Variants in NSMCE4A observed in about 807,000 individuals in gnomAD.
The protein encoded by NSMCE4A is NSE4A component of SMC5/6 complex, also known as non-structural maintenance of chromosomes element 4 homolog A.
Under a neutral mutation model 47.9 loss-of-function variants are expected in NSMCE4A, and 40 were observed. That is an observed-to-expected ratio of 0.83 (90% CI 0.65 to 1.09). The LOEUF (loss-of-function observed/expected upper bound fraction) is 1.09, where lower values mean the gene tolerates loss of function less well. Ranked by LOEUF, NSMCE4A falls within the 50% of genes least tolerant of loss-of-function variation. The pLI, the probability that NSMCE4A is intolerant of heterozygous loss-of-function variation, is 0.00. For missense variants in NSMCE4A, 500 were observed against 507.0 expected, an observed-to-expected ratio of 0.99 and a Z score of 0.13; for synonymous variants, 166 against 178.5, an observed-to-expected ratio of 0.93 and a Z score of 0.56.
intron 10 of NSMCE4A, among the ~76,000 whole-genome samples, chr10:121,958,510 CTT>C (rs1160489698): frequency 6.6e-6 from 1 of 152,184 alleles, no homozygotes; most frequent in East Asian, 1.9e-4. Context: ...TCCTAATCCT[CTT>C]TTTCTGCTTT....
intron 2 of NSMCE4A, 55 bp from the exon 3 acceptor site, chr10:121,971,124 CTT>C (rs1434971522): frequency 6.9e-7 from 1 of 1,454,086 alleles, no homozygotes; most frequent in African/African-American, 1.4e-5. Context: ...TATCCATAGA[CTT>C]TTTCCCTACA....
chr10:121,970,974 T>C lies in NSMCE4A; in HGVS notation c.466A>G (p.Ser156Gly). Residue 156 changes from serine to glycine, a missense_variant, in exon 3 of 11, where the codon AGC (serine) becomes GGC (glycine). Physicochemically the swap from Ser to Gly is moderately conservative, Grantham distance 56 (BLOSUM62 0). Coordinates refer to ENST00000369023, the MANE Select transcript of NSMCE4A (RefSeq NM_017615.3). ...EKAKQLRSDL[S>G]SFDMLRYVET... ...ACATATCTTAACATGTCAAAGGAGCTCAGGTCTGAGCGCAGCTGCTTTGCT... is the reference window on the plus strand; with the variant it reads ...ACATATCTTAACATGTCAAAGGAGCCCAGGTCTGAGCGCAGCTGCTTTGCT... The C allele has an allele frequency of 1.9e-6, 3 of 1,613,782 alleles. No homozygotes were observed. Among genetic ancestry groups the C allele is most frequent in the Non-Finnish European group, 2.5e-6 (3 of 1,179,834 alleles).
Position 121,960,502 on chromosome 10 carries a change from C to A in NSMCE4A, c.940-96G>T. 1.2e-6 allele frequency: 1 copy of A among 814,418 alleles called. No homozygotes were observed. Among genetic ancestry groups the A allele is most frequent in the South Asian group, 2.0e-5 (1 of 49,818 alleles). 50.4% of individuals were successfully genotyped at this position (814,418 alleles called of 1,614,324 possible). A position where few individuals can be genotyped will look rare whatever the true frequency, so the allele number is the denominator to read the frequency against. On this transcript the variant is annotated intron_variant, in intron 7 of 10. Coordinates refer to ENST00000369023, the MANE Select transcript of NSMCE4A (RefSeq NM_017615.3). The surrounding 1 kb of genome is among the most constrained non-coding windows in gnomAD (Gnocchi z 4.2). ...AAATTACTCAGAAAATTCAGTATCT[C>A]AGAAAATCAAATTACACCATAGCAA...
In NSMCE4A at chr10:121,963,671, G is replaced by A. The variant is rs563328382; in HGVS notation, c.754-343C>T. On this transcript the variant is annotated intron_variant, in intron 5 of 10. Transcript: ENST00000369023. ...TAAAAAAAATTTTTTTAGATATGGG[G>A]TCTTGCTGACCATCCTGGCTAACAC... 2.0e-5 allele frequency among the ~76,000 whole-genome samples: 3 copies of A among 151,862 alleles called. No homozygotes were observed. In the South Asian group the frequency reaches 6.2e-4, roughly 32 times the overall value.
rs761265623 is a variant in NSMCE4A at position 121,967,816 on chromosome 10, T to G, written c.502-10A>C. ...CACCCATATGTGTGAGCTACAAAAA[T>G]GAAGGAAAACAAAAAACCCAGTTAA... is the stretch of plus-strand genomic sequence containing the variant. On this transcript the variant is annotated splice_polypyrimidine_tract_variant and intron_variant, in intron 3 of 10. Coordinates refer to ENST00000369023, the MANE Select transcript of NSMCE4A (RefSeq NM_017615.3). 60 of 1,594,450 alleles carry G rather than the reference T, an allele frequency of 3.8e-5. No homozygotes were observed. Among genetic ancestry groups the G allele is most frequent in the Non-Finnish European group, 4.8e-5 (56 of 1,174,822 alleles).
chr10:121,974,078 T>C lies in NSMCE4A; in HGVS notation c.296A>G (p.Asn99Ser). ...YRALINSVQQ[N>S]REDILNAGDK... The stretch of plus-strand genomic sequence containing the variant: ...ACCGGCATTCAGTATGTCCTCACGG[T>C]TTTCTATTTTTAAAAATACAAACTT... The change falls in exon 2 of 11, where the codon AAC becomes AGC. Residue 99 changes from asparagine to serine, a missense_variant. By Grantham distance (46) the Asn-to-Ser change is conservative. Coordinates refer to ENST00000369023, the MANE Select transcript of NSMCE4A (RefSeq NM_017615.3). 1 of 1,598,302 alleles carries C rather than the reference T, an allele frequency of 6.3e-7. No individual in the cohort carries two copies. The highest frequency in any genetic ancestry group is 8.5e-7 in the Non-Finnish European group (1 of 1,169,952).
chr10:121,961,475 T>C lies in NSMCE4A; in HGVS notation c.887A>G (p.His296Arg). ...GTTTTCCACTGTACGGGGGAAAGAA[T>C]GAGGATCAACCACAAAGTCAAAGAA... ...MSFFDFVVDP[H>R]SFPRTVENIF... is the part of the protein sequence containing the mutation. The change falls in exon 7 of 11, where the codon CAT becomes CGT. Residue 296 changes from histidine to arginine, a missense_variant. His to Arg is a conservative substitution (Grantham distance 29). Coordinates refer to ENST00000369023, the MANE Select transcript of NSMCE4A (RefSeq NM_017615.3). 1.3e-6 allele frequency: 2 copies of C among 1,573,084 alleles called. No homozygotes were observed. Among genetic ancestry groups the C allele is most frequent in the East Asian group, 4.7e-5 (2 of 42,710 alleles).
intron 10 of NSMCE4A, among the ~76,000 whole-genome samples, chr10:121,958,343 T>G (rs2134728689): frequency 6.6e-6 from 1 of 152,256 alleles, no homozygotes; most frequent in South Asian, 2.1e-4. Flanking sequence ...GGTCTTCTGA[T>G]TCCCACCCAC....
Position 121,965,305 on chromosome 10 carries a change from TC to T in NSMCE4A, c.733del (p.Glu245ArgfsTer8). 6.2e-7 allele frequency: 1 copy of T among 1,613,392 alleles called. No individual in the cohort carries two copies. The highest frequency in any genetic ancestry group is 1.1e-5 in the South Asian group (1 of 90,930). On this transcript the variant is annotated frameshift_variant, in exon 5 of 11. Coordinates refer to ENST00000369023, the MANE Select transcript of NSMCE4A (RefSeq NM_017615.3). LOFTEE classifies it high-confidence loss of function. ...RPRKVPVIQE[E>X]RAMPAQLRRM... ...ACAAACCTGGGCAGGCATTGCCCTC[TC>T]CTCTTGTATCACAGGAACTTTTCTT...
chr10:121,963,371 C>T (rs1171472417), intron 5 of NSMCE4A, 43 bp from the exon 6 acceptor site: 1 of 1,156,380 alleles, frequency 8.6e-7, no homozygotes, highest in East Asian at 2.3e-5. Flanking sequence ...ACTTACTGGC[C>T]TATTAACGTT....
chr10:121,970,389 G>A (rs113797151), intron 3 of NSMCE4A, among the ~76,000 whole-genome samples: 4 of 148,424 alleles, frequency 2.7e-5, no homozygotes, highest in African/African-American at 7.4e-5. Flanking sequence ...GGAGAATGGC[G>A]TGAACCCAGG....
chr10:121,964,718 G>C (rs960563514), intron 5 of NSMCE4A, among the ~76,000 whole-genome samples: 40 of 152,266 alleles, frequency 2.6e-4, no homozygotes, highest in Non-Finnish European at 2.9e-5. Flanking sequence ...GGGATTACAG[G>C]CGTAAGCCAC....
chr10:121,959,506 A>G lies in NSMCE4A; in HGVS notation c.1078T>C (p.Trp360Arg). ...GGCAACAGGCAGAGCTTTACCTCCCAGTCACGGTAACTCAAAGCTATAATT... is the reference window on the plus strand; with the variant it reads ...GGCAACAGGCAGAGCTTTACCTCCCGGTCACGGTAACTCAAAGCTATAATT... The part of the protein sequence containing the change: ...QGIIALSYRD[W>R]EEIVKTFEIS... The change falls in exon 9 of 11, where the codon TGG (tryptophan) becomes CGG (arginine). Residue 360 changes from tryptophan (W) to arginine (R), a missense_variant. Transcript: ENST00000369023. The G allele has an allele frequency of 6.2e-7, 1 of 1,613,874 alleles. No homozygotes were observed. The highest frequency in any genetic ancestry group is 8.5e-7 in the Non-Finnish European group (1 of 1,179,740).
At chr10:121,974,352 T>A (rs1952775366) in intron 1 of NSMCE4A, 2 of 1,222,368 alleles carry the variant, frequency 1.6e-6, no homozygotes, top group Non-Finnish European at 2.1e-6. Context: ...GAGTGCTCCA[T>A]AACTGAGTGG....
intron 9 of NSMCE4A, 32 bp downstream of exon 9, chr10:121,959,469 G>A: frequency 3.1e-6 from 5 of 1,608,086 alleles, no homozygotes; most frequent in Non-Finnish European, 4.3e-6. Context: ...GGCAGAGTCA[G>A]AACTATGCAG....
chr10:121,963,399 C>A (rs556459728), intron 5 of NSMCE4A, 71 bp from the exon 6 acceptor site: 3 of 824,634 alleles, frequency 3.6e-6, no homozygotes, highest in African/African-American at 3.4e-5. Context: ...CTCTTGCACA[C>A]CCAAACTCCT....
chr10:121,969,501 T>A (rs1181008443), intron 3 of NSMCE4A, among the ~76,000 whole-genome samples: 2 of 138,208 alleles, frequency 1.4e-5, no homozygotes, highest in African/African-American at 2.7e-5. Context: ...AAAAAAAAGT[T>A]AAAAAAAAAA....
chr10:121,974,808 C>A (rs1952786448), intron 1 of NSMCE4A, 66 bp downstream of exon 1: 4 of 1,240,820 alleles, frequency 3.2e-6, no homozygotes, highest in Middle Eastern at 6.2e-4. Context: ...GCCCTCCCCC[C>A]GCGCCCGGCG....
chr10:121,974,400 A>G, intron 1 of NSMCE4A: 1 of 1,060,674 alleles, frequency 9.4e-7, no homozygotes, highest in South Asian at 4.1e-5. Context: ...CATCACCTGG[A>G]GGGCCACTCC....
Sources: allele counts gnomAD v4.1 joint callset (sites outside exome capture counted in the v4.1 genomes callset), GRCh38; gene constraint gnomAD v4.1.1; non-coding constraint Gnocchi (gnomAD v3.1); transcripts MANE v1.5; gene names NCBI Gene and HGNC (gene_info 2026-07-23, HGNC 2026-07-21).